FAM13A: variants seen among roughly 807,000 people sequenced by gnomAD.
The protein encoded by FAM13A is protein FAM13A.
In FAM13A, 76 loss-of-function variants were observed where a neutral mutation model predicts 129.6. The ratio of observed to expected loss-of-function variants is 0.59; its 90% CI spans 0.49 to 0.71. The LOEUF (loss-of-function observed/expected upper bound fraction) is 0.71. Among genes scored for constraint, FAM13A ranks in the 30% least tolerant of loss-of-function variants. FAM13A has a pLI of 0.00. For synonymous variants in FAM13A, 443 were observed against 449.9 expected (o/e 0.98, Z 0.20); for missense variants, 1,108 against 1,249.3 (o/e 0.89, Z 1.70).
At chr4:88,886,733 C>G (rs1297391337) in intron 6 of FAM13A, among the ~76,000 whole-genome samples, 1 of 151,878 alleles carries the variant, frequency 6.6e-6, no homozygotes, top group Non-Finnish European at 1.5e-5. Context: ...ATGGTGAAAC[C>G]CCGTCTCTAC....
At chr4:88,889,339 C>A (rs1358837215) in intron 6 of FAM13A, among the ~76,000 whole-genome samples, 2 of 152,060 alleles carry the variant, frequency 1.3e-5, no homozygotes, top group Non-Finnish European at 2.9e-5. Flanking sequence ...TTTCATAGAT[C>A]CTCAGACCAA....
At chr4:89,014,948 C>T (rs1467454116) in intron 3 of FAM13A, among the ~76,000 whole-genome samples, 3 of 152,138 alleles carry the variant, frequency 2.0e-5, no homozygotes, top group East Asian at 1.9e-4. Flanking sequence ...TGTCTTCTTT[C>T]GAAAGCAATA....
rs751378101 is a variant in FAM13A, at chr4:88,990,988, C to A, written c.590G>T (p.Gly197Val). The A allele has an allele frequency of 6.2e-7, 1 of 1,613,848 alleles. No individual in the cohort carries two copies. Among genetic ancestry groups the A allele is most frequent in the Admixed American group, 1.7e-5 (1 of 59,988 alleles). Residue 197 changes from glycine (G) to valine (V), a missense_variant, in exon 4 of 24, where the codon GGG becomes GTG. By Grantham distance (109) the Gly-to-Val change is moderately radical. Around this residue, in one of 3 missense-constraint regions of FAM13A, gnomAD observed 566 missense variants for 595.7 expected, o/e 0.95. Coordinates refer to ENST00000264344, the MANE Select transcript of FAM13A (RefSeq NM_014883.4). ...MNVHNLATVF[G>V]PNCFHVPPGL... ...ACTAACTTACTGAAAGCAATTTGGCCCAAATACAGTGGCGAGATTGTGAAC... is the reference window on the plus strand; with the variant it reads ...ACTAACTTACTGAAAGCAATTTGGCACAAATACAGTGGCGAGATTGTGAAC...
At chr4:88,934,435 G>A (rs1051998840) in intron 5 of FAM13A, among the ~76,000 whole-genome samples, 1 of 152,020 alleles carries the variant, frequency 6.6e-6, no homozygotes, top group South Asian at 2.1e-4. Context: ...TATAGTCCAT[G>A]GTCCATTATT....
chr4:89,042,138 ACTC>A (rs1238491295), intron 1 of FAM13A, among the ~76,000 whole-genome samples: 1 of 125,364 alleles, frequency 8.0e-6, no homozygotes, highest in Non-Finnish European at 1.9e-5. Context: ...CATCAGAAAA[ACTC>A]CTTAACAGGG....
intron 20 of FAM13A, among the ~76,000 whole-genome samples, chr4:88,737,978 G>C (rs1413682607): frequency 6.6e-6 from 1 of 152,172 alleles, no homozygotes; most frequent in Non-Finnish European, 1.5e-5. Flanking sequence ...CCTACTTAGG[G>C]ACACTAAGGG....
intron 7 of FAM13A, among the ~76,000 whole-genome samples, chr4:88,826,820 C>G (rs1418175631): frequency 6.6e-6 from 1 of 152,158 alleles, no homozygotes; most frequent in Non-Finnish European, 1.5e-5. Context: ...TGTATTGGAT[C>G]TCATCATTTT....
intron 2 of FAM13A, among the ~76,000 whole-genome samples, chr4:89,024,544 C>T (rs1205181716): frequency 6.6e-6 from 1 of 152,144 alleles, no homozygotes; most frequent in African/African-American, 2.4e-5. Flanking sequence ...TAAAGCATAA[C>T]CAAAATAGCA....
intron 7 of FAM13A, chr4:88,822,933 CA>C: frequency 6.2e-7 from 1 of 1,604,820 alleles, no homozygotes. Context: ...TGATACAACT[CA>C]AAAAATACAT....
In FAM13A at chr4:88,748,914, T is replaced by C. The variant is rs374424038; in HGVS notation, c.2161+38A>G. 8.3e-6 allele frequency: 12 copies of C among 1,438,954 alleles called. No homozygotes were observed. The African/African-American group carries it at 1.7e-4, about 20-fold the overall frequency. 89.1% of individuals were successfully genotyped at this position (1,438,954 alleles called of 1,614,324 possible). On this transcript the variant is annotated intron_variant, in intron 17 of 23. Transcript: ENST00000264344. Reference sequence around the variant, plus strand: ...GGAGGTGAGAGATTCTGCACCTGGCTTGTTGTACAGAAGCCACAGCTCCAG... The same window carrying C: ...GGAGGTGAGAGATTCTGCACCTGGCCTGTTGTACAGAAGCCACAGCTCCAG...
At chr4:88,911,576 A>C (rs1364960643) in intron 5 of FAM13A, among the ~76,000 whole-genome samples, 1 of 152,212 alleles carries the variant, frequency 6.6e-6, no homozygotes, top group African/African-American at 2.4e-5. Context: ...AACCTAGCTG[A>C]AATCATTCAA....
chr4:88,887,425 T>C (rs1358611087), intron 6 of FAM13A, among the ~76,000 whole-genome samples: 1 of 152,188 alleles, frequency 6.6e-6, no homozygotes, highest in Admixed American at 6.5e-5. Flanking sequence ...GACAGTTGCT[T>C]TTGTAAGGCT....
At chr4:88,996,226 GT>G (rs1763520289) in intron 3 of FAM13A, among the ~76,000 whole-genome samples, 1 of 152,170 alleles carries the variant, frequency 6.6e-6, no homozygotes, top group Non-Finnish European at 1.5e-5. Flanking sequence ...GTCTTTTCTT[GT>G]TTTGTTTTGT....
At chr4:88,878,746 C>T (rs1743026875) in intron 6 of FAM13A, among the ~76,000 whole-genome samples, 1 of 152,120 alleles carries the variant, frequency 6.6e-6, no homozygotes, top group African/African-American at 2.4e-5. Flanking sequence ...AATTTAAGGC[C>T]CATAAATTCT....
chr4:88,984,547 A>C (rs572605557), intron 4 of FAM13A, among the ~76,000 whole-genome samples: 4 of 152,298 alleles, frequency 2.6e-5, no homozygotes, highest in African/African-American at 9.6e-5. Flanking sequence ...ATTCAATGTC[A>C]TTAGTAATCA....
intron 6 of FAM13A, among the ~76,000 whole-genome samples, chr4:88,876,724 TG>T (rs1334918393): frequency 6.6e-6 from 1 of 152,104 alleles, no homozygotes; most frequent in Non-Finnish European, 1.5e-5. Flanking sequence ...CCCAAGTAGC[TG>T]GGACTACAGG....
chr4:89,025,905 A>G, intron 2 of FAM13A, among the ~76,000 whole-genome samples: 1 of 152,204 alleles, frequency 6.6e-6, no homozygotes, highest in Non-Finnish European at 1.5e-5. Context: ...CTTTGTAGGG[A>G]TAGACTTTTC....
chr4:88,957,471 G>A (rs1757934612), intron 4 of FAM13A, among the ~76,000 whole-genome samples: 2 of 152,180 alleles, frequency 1.3e-5, no homozygotes, highest in African/African-American at 2.4e-5. Flanking sequence ...AGAATGATGA[G>A]CCAATTAGAC....
rs1731558945 is a variant in FAM13A, at chr4:88,819,921, C to T, written c.1008-14869G>A. 2.0e-5 allele frequency among the ~76,000 whole-genome samples: 3 copies of T among 152,146 alleles called. No homozygotes were observed. In the South Asian group the frequency reaches 6.2e-4, roughly 31 times the overall value. ...GAATCATTAAGAACTGAGGACTTTA[C>T]AGAAGGTTGTAATTTAAACATTCAG... On this transcript the variant is annotated intron_variant, in intron 7 of 23. Transcript: ENST00000264344.
Sources: gnomAD v4.1 joint callset for allele counts (sites outside exome capture counted in the v4.1 genomes callset) on GRCh38, gnomAD v4.1.1 for gene constraint, gnomAD v4.1.1 regional missense constraint, MANE v1.5 for transcripts, NCBI Gene and HGNC (gene_info 2026-07-23, HGNC 2026-07-21) for gene names.